ZNF362: variants seen among roughly 807,000 people sequenced by gnomAD.
ZNF362 encodes zinc finger protein 362, also known as rotund homolog.
ZNF362 carries 11 observed loss-of-function variants against 42.9 expected under a neutral mutation model. The observed-to-expected ratio is 0.26, with a 90% CI of 0.16 to 0.42. ZNF362 has a LOEUF of 0.42. Ranked by LOEUF, ZNF362 falls within the 20% of genes least tolerant of loss-of-function variation. The pLI is 1.00. For synonymous variants in ZNF362, 255 were observed against 257.3 expected (o/e 0.99, Z 0.09); for missense variants, 362 against 576.2 (o/e 0.63, Z 3.81).
At chr1:33,241,709 A>G in the ZNF362 span, among the ~76,000 whole-genome samples, 1 of 152,182 alleles carries the variant, frequency 6.6e-6, no homozygotes, top group Non-Finnish European at 1.5e-5. Flanking sequence ...GAGTTGAGAG[A>G]AACAACAGAA....
rs369196006 is a variant in ZNF362, at chr1:33,281,844, C to T, written c.908+33C>T. 20 of 1,604,568 alleles carry T rather than the reference C, an allele frequency of 1.2e-5. No individual in the cohort carries two copies. The highest frequency in any genetic ancestry group is 3.3e-5 in the Admixed American group (2 of 59,948). ...GCCTGCCTGCTGCCCTGCTGCAGCC[C>T]GACTCAGCTCAGCACCCGTGGCCTG... is the stretch of plus-strand genomic sequence containing the variant. On this transcript the variant is annotated intron_variant, in intron 6 of 8. Transcript: ENST00000539719. The surrounding 1 kb of genome is among the most constrained non-coding windows in gnomAD (Gnocchi z 4.8).
intron 6 of ZNF362, among the ~76,000 whole-genome samples, chr1:33,289,169 C>G (rs6670358): frequency 0.69 from 104,787 of 151,986 alleles, 36,249 homozygotes; most frequent in Admixed American, 0.76. Flanking sequence ...ACAGCCCTCC[C>G]CAGTCAGAGG....
chr1:33,272,978 C>G (rs1645916452), intron 2 of ZNF362, among the ~76,000 whole-genome samples: 1 of 152,268 alleles, frequency 6.6e-6, no homozygotes, highest in South Asian at 2.1e-4. Context: ...ATGTCTCTTT[C>G]TGGCTTCAAG....
rs1453246124 is a variant in ZNF362, at chr1:33,270,567, C to G, written c.-8C>G. 6.3e-7 allele frequency: 1 copy of G among 1,584,222 alleles called. No individual in the cohort carries two copies. The highest frequency in any genetic ancestry group is 8.7e-7 in the Non-Finnish European group (1 of 1,153,164). ...AGAAGAGGGAACACTTGAGCTGGGT[C>G]TTGAAGGATGAGTAGAAGTTCACCA... On this transcript the variant is annotated 5_prime_UTR_variant, in exon 2 of 9. Coordinates refer to ENST00000539719, the MANE Select transcript of ZNF362 (RefSeq NM_152493.3).
At chr1:33,233,258 C>T in the ZNF362 span, among the ~76,000 whole-genome samples, 2 of 152,240 alleles carry the variant, frequency 1.3e-5, no homozygotes, top group Admixed American at 6.5e-5. Context: ...TTACTTTCTG[C>T]CTGACCAACT....
chr1:33,266,951 G>A lies in ZNF362; in HGVS notation c.-88-3536G>A, dbSNP rs1031737326. ...TGGGAATCCAAGAAGGATTTTAAGC[G>A]GTAGACTTAGCGCCCTGGGAAGGCT... is the stretch of plus-strand genomic sequence containing the variant. On this transcript the variant is annotated intron_variant, in intron 1 of 8. Transcript: ENST00000539719. This position sits in a 1 kb window ranked among gnomAD's most constrained non-coding sequence, Gnocchi z 4.3. 1.3e-5 allele frequency among the ~76,000 whole-genome samples: 2 copies of A among 152,188 alleles called. No homozygotes were observed. Among genetic ancestry groups the A allele is most frequent in the Admixed American group, 1.3e-4 (2 of 15,280 alleles).
the ZNF362 span, among the ~76,000 whole-genome samples, chr1:33,138,626 C>CAACA: frequency 0.018 from 1,171 of 66,162 alleles, 17 homozygotes; most frequent in African/African-American, 0.051. Context: ...ACAACAACAA[C>CAACA]AAAAAAAAAA....
chr1:33,257,311 C>T (rs1468365776), intron 1 of ZNF362, among the ~76,000 whole-genome samples: 1 of 149,590 alleles, frequency 6.7e-6, no homozygotes, highest in Non-Finnish European at 1.5e-5. Context: ...AATGCAATTG[C>T]ACTTTAAAGA....
chr1:33,226,048 G>C, the ZNF362 span, among the ~76,000 whole-genome samples: 1 of 152,102 alleles, frequency 6.6e-6, no homozygotes, highest in Admixed American at 6.5e-5. Flanking sequence ...TTTGTCTACT[G>C]TGGTGGGAGG....
At chr1:33,233,336 C>T in the ZNF362 span, among the ~76,000 whole-genome samples, 1 of 152,198 alleles carries the variant, frequency 6.6e-6, no homozygotes, top group African/African-American at 2.4e-5. Flanking sequence ...GCCACCCATT[C>T]TGGCTTTAGC....
chr1:33,142,197 T>C, the ZNF362 span: 1 of 152,358 alleles, frequency 6.6e-6, no homozygotes, highest in Non-Finnish European at 1.5e-5. Flanking sequence ...GGTGATGTGC[T>C]TTGGGGTGGT....
chr1:33,239,504 CAG>C, the ZNF362 span, among the ~76,000 whole-genome samples: 1 of 152,166 alleles, frequency 6.6e-6, no homozygotes, highest in Non-Finnish European at 1.5e-5. Flanking sequence ...TTATAAAAGA[CAG>C]AAGTTTAATT....
chr1:33,266,987 T>G lies in ZNF362; in HGVS notation c.-88-3500T>G, dbSNP rs1489009994. 6.6e-6 allele frequency among the ~76,000 whole-genome samples: 1 copy of G among 152,188 alleles called. No individual in the cohort carries two copies. Among genetic ancestry groups the G allele is most frequent in the African/African-American group, 2.4e-5 (1 of 41,456 alleles). On this transcript the variant is annotated intron_variant, in intron 1 of 8. Transcript: ENST00000539719. This position sits in a 1 kb window ranked among gnomAD's most constrained non-coding sequence, Gnocchi z 4.3. The stretch of plus-strand genomic sequence containing the variant: ...CGCCCTGGGAAGGCTCTCCTTCGGC[T>G]TGGTCCTCCCCGCTGGGGCCCCTGG...
chr1:33,156,876 C>CAT, the ZNF362 span, among the ~76,000 whole-genome samples: 1 of 152,030 alleles, frequency 6.6e-6, no homozygotes. Context: ...TTTGCTAATC[C>CAT]GCTAGCAAAT....
intron 8 of ZNF362, among the ~76,000 whole-genome samples, chr1:33,296,046 C>G (rs563598266): frequency 2.0e-5 from 3 of 152,286 alleles, no homozygotes; most frequent in Admixed American, 2.0e-4. Flanking sequence ...ATGAGCCAGA[C>G]AGATCTATTT....
At chr1:33,206,388 A>G in the ZNF362 span, among the ~76,000 whole-genome samples, 1 of 152,162 alleles carries the variant, frequency 6.6e-6, no homozygotes, top group African/African-American at 2.4e-5. Context: ...AACAAACAAG[A>G]AAAAATTGAT....
the ZNF362 span, among the ~76,000 whole-genome samples, chr1:33,209,532 G>A: frequency 4.6e-5 from 7 of 152,222 alleles, no homozygotes; most frequent in East Asian, 1.9e-4. Flanking sequence ...GGTAGAATTC[G>A]GCTGTGACTC....
chr1:33,279,308 A>T (rs1645973533), intron 4 of ZNF362, among the ~76,000 whole-genome samples: 1 of 152,176 alleles, frequency 6.6e-6, no homozygotes, highest in South Asian at 2.1e-4. Flanking sequence ...TACAAGCGTG[A>T]GCCGCCGTGC....
chr1:33,243,108 A>ATGTTATGTTATGTTATG, the ZNF362 span, among the ~76,000 whole-genome samples: 2 of 144,442 alleles, frequency 1.4e-5, no homozygotes, highest in African/African-American at 5.4e-5. Context: ...CACAACTGTT[A>ATGTTATGTTATGTTATG]TTATGTTATG....
Sources: gnomAD v4.1 joint callset for allele counts (sites outside exome capture counted in the v4.1 genomes callset) on GRCh38, gnomAD v4.1.1 for gene constraint, Gnocchi (gnomAD v3.1) non-coding constraint, MANE v1.5 for transcripts, NCBI Gene and HGNC (gene_info 2026-07-23, HGNC 2026-07-21) for gene names.